Variants in CCSER1 observed in about 807,000 individuals in gnomAD.
CCSER1 encodes serine-rich coiled-coil domain-containing protein 1.
In CCSER1, 41 loss-of-function variants were observed where a neutral mutation model predicts 82.0. The ratio of observed to expected loss-of-function variants is 0.50; its 90% confidence interval spans 0.39 to 0.65. The LOEUF (loss-of-function observed/expected upper bound fraction) is 0.65. Ranked by LOEUF, CCSER1 falls within the 30% of genes least tolerant of loss-of-function variation. The pLI is 0.00. For synonymous variants in CCSER1, 414 were observed against 383.9 expected (o/e 1.08, Z -0.92); for missense variants, 1,119 against 1,064.2 (o/e 1.05, Z -0.72).
intron 10 of CCSER1, among the ~76,000 whole-genome samples, chr4:91,191,362 TTTC>T (rs1336830067): frequency 6.6e-6 from 1 of 152,194 alleles, no homozygotes; most frequent in Non-Finnish European, 1.5e-5. Context: ...TGCATCAAGC[TTTC>T]TTCTTTCTGG....
At chr4:90,964,731 C>CAAAAAAAAAAAAAAAAA (rs71596540) in intron 9 of CCSER1, among the ~76,000 whole-genome samples, 1 of 77,634 alleles carries the variant, frequency 1.3e-5, no homozygotes, top group African/African-American at 5.9e-5. Flanking sequence ...ACTCTGTCTC[C>CAAAAAAAAAAAAAAAAA]AAAAAAAAAA....
intron 8 of CCSER1, among the ~76,000 whole-genome samples, chr4:90,879,318 T>G (rs1720843505): frequency 6.6e-6 from 1 of 152,134 alleles, no homozygotes; most frequent in Non-Finnish European, 1.5e-5. Context: ...TGTATTGCCT[T>G]ATTGTGATTC....
intron 10 of CCSER1, among the ~76,000 whole-genome samples, chr4:91,467,514 A>C (rs946780650): frequency 2.0e-5 from 3 of 152,200 alleles, no homozygotes; most frequent in Non-Finnish European, 2.9e-5. Context: ...ATCTAATTAA[A>C]CTAAAGAGCT....
intron 8 of CCSER1, among the ~76,000 whole-genome samples, chr4:90,916,020 C>T (rs557498095): frequency 6.9e-4 from 105 of 152,184 alleles, no homozygotes; most frequent in African/African-American, 2.2e-3. Context: ...AAAGAGGACA[C>T]AAACAAATGG....
intron 10 of CCSER1, among the ~76,000 whole-genome samples, chr4:91,091,056 C>G (rs532586081): frequency 6.6e-6 from 1 of 152,158 alleles, no homozygotes; most frequent in Non-Finnish European, 1.5e-5. Context: ...TGACCAGTAC[C>G]CACATTTTTT....
intron 5 of CCSER1, among the ~76,000 whole-genome samples, chr4:90,572,068 G>A (rs1780181462): frequency 6.6e-6 from 1 of 152,114 alleles, no homozygotes; most frequent in Admixed American, 6.5e-5. Flanking sequence ...GTCTCATGGT[G>A]ATGAAGTCAC....
chr4:90,763,543 T>C (rs78424275), intron 7 of CCSER1, among the ~76,000 whole-genome samples: 2,097 of 152,276 alleles, frequency 0.014, 42 homozygotes, highest in African/African-American at 0.048. Context: ...TGTCTTGATA[T>C]TTTACAAACA....
chr4:90,365,574 C>T (rs1746145868), intron 3 of CCSER1, among the ~76,000 whole-genome samples: 1 of 151,658 alleles, frequency 6.6e-6, no homozygotes, highest in African/African-American at 2.4e-5. Context: ...TTTGTAGGCT[C>T]CTATTTGATG....
At chr4:91,146,735 G>T (rs192033171) in intron 10 of CCSER1, among the ~76,000 whole-genome samples, 1 of 152,006 alleles carries the variant, frequency 6.6e-6, no homozygotes, top group Middle Eastern at 3.2e-3. Context: ...GGTTTTTTAC[G>T]TTGATAGTTT....
At chr4:90,630,854 AAT>A (rs1329290927) in intron 6 of CCSER1, among the ~76,000 whole-genome samples, 1 of 148,222 alleles carries the variant, frequency 6.7e-6, no homozygotes, top group Non-Finnish European at 1.5e-5. Context: ...ACAATCGTTC[AAT>A]CTTTGTTCAC....
At chr4:91,550,312 C>T (rs972972164) in intron 10 of CCSER1, among the ~76,000 whole-genome samples, 1 of 152,186 alleles carries the variant, frequency 6.6e-6, no homozygotes, top group African/African-American at 2.4e-5. Context: ...TCACTCCACA[C>T]CATGCCCCAT....
intron 10 of CCSER1, among the ~76,000 whole-genome samples, chr4:91,336,707 TTATTC>T (rs1747351444): frequency 6.6e-6 from 1 of 152,112 alleles, no homozygotes; most frequent in African/African-American, 2.4e-5. Flanking sequence ...TAATTAGAGT[TTATTC>T]TAATAGACTT....
intron 3 of CCSER1, among the ~76,000 whole-genome samples, chr4:90,354,502 C>T (rs913733173): frequency 1.3e-5 from 2 of 152,022 alleles, no homozygotes; most frequent in Non-Finnish European, 2.9e-5. Flanking sequence ...CGCACACAAA[C>T]ACACACACGC....
chr4:90,793,608 A>G (rs1002172758), intron 7 of CCSER1, among the ~76,000 whole-genome samples: 13 of 152,160 alleles, frequency 8.5e-5, no homozygotes, highest in Non-Finnish European at 2.9e-5. Context: ...CGTCTTTGCC[A>G]TTGTGAATAG....
At chr4:90,321,687 A>G (rs1737182146) in intron 3 of CCSER1, among the ~76,000 whole-genome samples, 1 of 152,280 alleles carries the variant, frequency 6.6e-6, no homozygotes, top group Admixed American at 6.5e-5. Flanking sequence ...TCAACAGTGT[A>G]CAAGGGTTCC....
chr4:91,040,716 A>G (rs1741888652), intron 9 of CCSER1, among the ~76,000 whole-genome samples: 1 of 152,180 alleles, frequency 6.6e-6, no homozygotes, highest in African/African-American at 2.4e-5. Context: ...AAACATATTC[A>G]GGAGAAACTG....
intron 8 of CCSER1, among the ~76,000 whole-genome samples, chr4:90,830,585 G>A (rs1188760456): frequency 6.6e-6 from 1 of 152,118 alleles, no homozygotes; most frequent in Non-Finnish European, 1.5e-5. Flanking sequence ...TGGAATGAGA[G>A]ATCCTTAAAA....
chr4:90,656,742 G>A (rs553300284), intron 6 of CCSER1, among the ~76,000 whole-genome samples: 2 of 151,538 alleles, frequency 1.3e-5, no homozygotes, highest in East Asian at 1.9e-4. Flanking sequence ...GTATCTCCTT[G>A]AAATAATTAT....
chr4:90,437,546 G>T (rs1225096761), intron 4 of CCSER1, among the ~76,000 whole-genome samples: 4 of 152,024 alleles, frequency 2.6e-5, no homozygotes, highest in Admixed American at 2.6e-4. Context: ...TTTCTTTTCT[G>T]TATAATGAGG....
Sources: allele counts gnomAD v4.1 joint callset (sites outside exome capture counted in the v4.1 genomes callset), GRCh38; gene constraint gnomAD v4.1.1; transcripts MANE v1.5; gene names NCBI Gene and HGNC (gene_info 2026-07-23, HGNC 2026-07-21).